Variants in WDPCP observed in about 807,000 individuals in gnomAD.
WDPCP encodes WD repeat-containing and planar cell polarity effector protein fritz homolog.
In WDPCP, 71 loss-of-function variants were observed where a neutral mutation model predicts 93.1. That is an observed-to-expected ratio of 0.76 (90% CI 0.63 to 0.93). The LOEUF (loss-of-function observed/expected upper bound fraction) is 0.93, where lower values mean the gene tolerates loss of function less well. WDPCP is among the 40% of genes least tolerant of loss of function. WDPCP has a pLI of 0.00. For synonymous variants in WDPCP, 315 were observed against 315.0 expected, an observed-to-expected ratio of 1.00 and a Z score of 0.00; for missense variants, 844 against 887.4, an observed-to-expected ratio of 0.95 and a Z score of 0.62.
At chr2:63,374,273 C>T (rs1691657325) in intron 12 of WDPCP, among the ~76,000 whole-genome samples, 2 of 152,060 alleles carry the variant, frequency 1.3e-5, no homozygotes, top group South Asian at 4.1e-4. Context: ...CAGAGGATGC[C>T]CTCCAGGAGA....
chr2:63,776,072 C>T (rs1039793615), intron 2 of WDPCP, among the ~76,000 whole-genome samples: 2 of 135,190 alleles, frequency 1.5e-5, no homozygotes, highest in African/African-American at 5.2e-5. Flanking sequence ...TATAAATACA[C>T]ATATACATAC....
intron 13 of WDPCP, among the ~76,000 whole-genome samples, chr2:63,308,864 CAT>C (rs1228709796): frequency 6.6e-6 from 1 of 152,102 alleles, no homozygotes; most frequent in African/African-American, 2.4e-5. Flanking sequence ...ATGTTCCGCA[CAT>C]GTGTCCAAGA....
In WDPCP at chr2:63,640,815, A is replaced by C. The variant is rs572504050; in HGVS notation, n.488+9844T>G. 2.0e-5 allele frequency among the ~76,000 whole-genome samples: 3 copies of C among 152,346 alleles called. No homozygotes were observed. In the South Asian group the frequency reaches 6.2e-4, roughly 32 times the overall value. On this transcript the variant is annotated intron_variant and non_coding_transcript_variant, in intron 3 of 4. Transcript: ENST00000467687. ...CAAGCATTCATTTTTTGTGTTACAA[A>C]AAATCCAATTATACTTTTTTAGTTA...
intron 17 of WDPCP, among the ~76,000 whole-genome samples, chr2:63,149,358 T>G (rs1311478064): frequency 6.6e-6 from 1 of 152,190 alleles, no homozygotes; most frequent in African/African-American, 2.4e-5. Flanking sequence ...TTTAAAAACC[T>G]GAGTGTTTAA....
chr2:63,195,291 T>G (rs1266348786), intron 14 of WDPCP, among the ~76,000 whole-genome samples: 1 of 152,196 alleles, frequency 6.6e-6, no homozygotes, highest in Admixed American at 6.5e-5. Context: ...CAGGCAACAA[T>G]AATTACTGAT....
Position 63,359,189 on chromosome 2 carries a change from A to G in WDPCP, c.1748+19197T>C, listed in dbSNP as rs147332352. On this transcript the variant is annotated intron_variant, in intron 12 of 17. Coordinates refer to ENST00000272321, the MANE Select transcript of WDPCP (RefSeq NM_015910.7). Reference sequence around the variant, plus strand: ...AATATTTGAGTCTTACCATAATCCAATCACAACATTCTAGTTCCGACATCT... The same window carrying G: ...AATATTTGAGTCTTACCATAATCCAGTCACAACATTCTAGTTCCGACATCT... Among the ~76,000 whole-genome samples, 24 of 152,090 alleles carry G rather than the reference A, an allele frequency of 1.6e-4. No homozygotes were observed. In the East Asian group the frequency reaches 4.3e-3, roughly 27 times the overall value.
intron 3 of WDPCP, chr2:63,606,710 T>C (rs1368987890): frequency 2.4e-6 from 1 of 418,058 alleles, no homozygotes; most frequent in East Asian, 4.2e-5. Flanking sequence ...GAGTTTTTAT[T>C]AGAATTATCT....
intron 1 of WDPCP, among the ~76,000 whole-genome samples, chr2:63,566,343 C>A (rs947898573): frequency 6.6e-6 from 1 of 152,204 alleles, no homozygotes; most frequent in Non-Finnish European, 1.5e-5. Context: ...TTGTGTCTCA[C>A]CTATCTGTGA....
intron 2 of WDPCP, among the ~76,000 whole-genome samples, chr2:63,669,367 TA>T (rs67238966): frequency 0.72 from 108,144 of 149,222 alleles, 39,321 homozygotes; most frequent in East Asian, 0.94. Context: ...TATTTTATTT[TA>T]TTTTTTTTTG....
At chr2:63,137,956 A>G (rs1232423809) in intron 17 of WDPCP, among the ~76,000 whole-genome samples, 3 of 151,828 alleles carry the variant, frequency 2.0e-5, no homozygotes, top group Non-Finnish European at 4.4e-5. Context: ...TGGTTACTGT[A>G]GTTCTGTAGT....
At chr2:63,200,515 A>G (rs1675821599) in intron 14 of WDPCP, among the ~76,000 whole-genome samples, 1 of 152,244 alleles carries the variant, frequency 6.6e-6, no homozygotes, top group Non-Finnish European at 1.5e-5. Context: ...AGCCATAAAA[A>G]AGAATGAGAT....
intron 14 of WDPCP, among the ~76,000 whole-genome samples, chr2:63,231,747 C>T (rs912254510): frequency 1.3e-5 from 2 of 152,056 alleles, no homozygotes; most frequent in Non-Finnish European, 2.9e-5. Context: ...TGAAAATGGC[C>T]ATACTGCCCA....
chr2:63,579,912 A>G (rs1301339079), intron 1 of WDPCP, among the ~76,000 whole-genome samples: 1 of 152,306 alleles, frequency 6.6e-6, no homozygotes, highest in East Asian at 1.9e-4. Flanking sequence ...TTCTGTCCTC[A>G]TAAACTGGTT....
intron 15 of WDPCP, among the ~76,000 whole-genome samples, chr2:63,171,521 ATT>A (rs1673389123): frequency 6.6e-6 from 1 of 152,180 alleles, no homozygotes; most frequent in African/African-American, 2.4e-5. Context: ...ATAAAAAAAC[ATT>A]GACAATATTA....
intron 12 of WDPCP, among the ~76,000 whole-genome samples, chr2:63,370,618 C>A (rs1257503899): frequency 6.6e-6 from 1 of 152,110 alleles, no homozygotes; most frequent in Non-Finnish European, 1.5e-5. Context: ...TGGAACCTCA[C>A]TTGCAAAAAA....
At chr2:63,131,629 G>T (rs2153399689) in intron 17 of WDPCP, among the ~76,000 whole-genome samples, 1 of 152,128 alleles carries the variant, frequency 6.6e-6, no homozygotes, top group Non-Finnish European at 1.5e-5. Flanking sequence ...GGATTCTATA[G>T]TTGCCCATAT....
intron 14 of WDPCP, among the ~76,000 whole-genome samples, chr2:63,245,194 TAAA>T: frequency 6.6e-6 from 1 of 152,190 alleles, no homozygotes; most frequent in South Asian, 2.1e-4. Flanking sequence ...CAAAGGTTAA[TAAA>T]ATGGCACAAG....
chr2:63,153,337 C>G (rs1337734417), intron 16 of WDPCP, among the ~76,000 whole-genome samples, 158 bp downstream of exon 16: 1 of 152,080 alleles, frequency 6.6e-6, no homozygotes, highest in Non-Finnish European at 1.5e-5. Context: ...TTGTAATAAT[C>G]AGGCAACTTG....
rs561296582 is a variant in WDPCP at position 63,174,949 on chromosome 2, A to T, written c.1916-117T>A. On this transcript the variant is annotated intron_variant, in intron 14 of 17. Coordinates refer to ENST00000272321, the MANE Select transcript of WDPCP (RefSeq NM_015910.7). ...CCCAGTGGAACTTTTTTCTTTGTCA[A>T]TTTCAAAATCTTGTTGTCCTAGTTC... 14 of 1,153,372 alleles carry T rather than the reference A, an allele frequency of 1.2e-5. No individual in the cohort carries two copies. In the South Asian group the frequency reaches 1.6e-4, roughly 13 times the overall value. 71.4% of individuals were successfully genotyped at this position (1,153,372 alleles called of 1,614,324 possible). A position where few individuals can be genotyped will look rare whatever the true frequency, so the allele number is the denominator to read the frequency against.
Sources: allele counts gnomAD v4.1 joint callset (sites outside exome capture counted in the v4.1 genomes callset), GRCh38; gene constraint gnomAD v4.1.1; transcripts MANE v1.5; gene names NCBI Gene and HGNC (gene_info 2026-07-23, HGNC 2026-07-21).